Variants in AFG1L observed in about 807,000 individuals in gnomAD.
AFG1L encodes AFG1 like ATPase.
A neutral mutation model predicts 62.2 loss-of-function variants in AFG1L; 53 were observed. The observed-to-expected ratio is 0.85, with a 90% CI of 0.68 to 1.07. The LOEUF (loss-of-function observed/expected upper bound fraction) is 1.07. Among genes scored for constraint, AFG1L ranks in the 50% least tolerant of loss-of-function variants. The pLI, the probability that AFG1L is intolerant of heterozygous loss-of-function variation, is 0.00. For missense variants in AFG1L, 555 were observed against 590.5 expected (o/e 0.94, Z 0.62); for synonymous variants, 228 against 210.3 (o/e 1.08, Z -0.73).
chr6:108,328,660 C>T (rs1184970569), intron 2 of AFG1L, among the ~76,000 whole-genome samples: 1 of 151,984 alleles, frequency 6.6e-6, no homozygotes, highest in Non-Finnish European at 1.5e-5. Context: ...GCCCCAGCCT[C>T]CTGGAAATAT....
At chr6:108,405,142 C>T (rs532431234) in intron 7 of AFG1L, among the ~76,000 whole-genome samples, 8 of 152,152 alleles carry the variant, frequency 5.3e-5, no homozygotes, top group Non-Finnish European at 1.0e-4. Flanking sequence ...GTTATCATGA[C>T]TGCTTTAAAA....
chr6:108,499,982 C>T (rs1411406850), intron 10 of AFG1L, among the ~76,000 whole-genome samples: 6 of 151,880 alleles, frequency 4.0e-5, no homozygotes, highest in Non-Finnish European at 8.8e-5. Context: ...TCCCTAGTGT[C>T]TATTTTTTCA....
intron 6 of AFG1L, among the ~76,000 whole-genome samples, chr6:108,391,711 A>G (rs1221531951): frequency 6.6e-6 from 1 of 152,110 alleles, no homozygotes; most frequent in East Asian, 1.9e-4. Flanking sequence ...GTCTAAGCCA[A>G]TGTCTAGAAG....
At chr6:108,463,336 C>T (rs2114783867) in intron 8 of AFG1L, among the ~76,000 whole-genome samples, 1 of 148,914 alleles carries the variant, frequency 6.7e-6, no homozygotes, top group Middle Eastern at 3.5e-3. Flanking sequence ...GCCTCTCTTT[C>T]CCAAGTGGAT....
At chr6:108,386,575 G>A (rs1215677471) in intron 6 of AFG1L, among the ~76,000 whole-genome samples, 1 of 152,216 alleles carries the variant, frequency 6.6e-6, no homozygotes, top group African/African-American at 2.4e-5. Context: ...AAAATAATGG[G>A]TGGGTACTTC....
intron 7 of AFG1L, among the ~76,000 whole-genome samples, chr6:108,420,451 CAT>C (rs1770538446): frequency 6.8e-6 from 1 of 147,802 alleles, no homozygotes; most frequent in Non-Finnish European, 1.5e-5. Context: ...TATATTAAAA[CAT>C]ATATTCCATA....
At chr6:108,402,450 C>T (rs1219919216) in intron 7 of AFG1L, among the ~76,000 whole-genome samples, 4 of 124,176 alleles carry the variant, frequency 3.2e-5, no homozygotes, top group Admixed American at 1.0e-4. Flanking sequence ...GGTGACAGGG[C>T]GAGACGCCGT....
At chr6:108,370,744 T>TCC (rs1175129472) in intron 6 of AFG1L, among the ~76,000 whole-genome samples, 1 of 152,164 alleles carries the variant, frequency 6.6e-6, no homozygotes, top group East Asian at 1.9e-4. Context: ...GAATGGTGTG[T>TCC]CTGCCATTCA....
At chr6:108,362,756 C>T (rs147107610) in intron 5 of AFG1L, among the ~76,000 whole-genome samples, 39 of 152,260 alleles carry the variant, frequency 2.6e-4, no homozygotes, top group African/African-American at 7.7e-4. Flanking sequence ...AACAGCTATG[C>T]TATACATTTT....
intron 7 of AFG1L, among the ~76,000 whole-genome samples, chr6:108,432,062 AT>A (rs1771102354): frequency 6.6e-6 from 1 of 150,388 alleles, no homozygotes; most frequent in Non-Finnish European, 1.5e-5. Context: ...GGTTATTATT[AT>A]TTTTGGTTCT....
chr6:108,355,838 T>C, intron 4 of AFG1L, 83 bp downstream of exon 4: 4 of 926,234 alleles, frequency 4.3e-6, no homozygotes, highest in Non-Finnish European at 6.8e-6. Context: ...ACATATACTC[T>C]TTAAAAATTA....
chr6:108,348,138 G>T (rs188531313), intron 3 of AFG1L, among the ~76,000 whole-genome samples: 4 of 152,168 alleles, frequency 2.6e-5, no homozygotes, highest in African/African-American at 7.2e-5. Context: ...TGGTGCGGTG[G>T]CGCGATCTCG....
intron 10 of AFG1L, among the ~76,000 whole-genome samples, chr6:108,502,205 T>C (rs1774231618): frequency 6.6e-6 from 1 of 151,342 alleles, no homozygotes; most frequent in South Asian, 2.2e-4. Flanking sequence ...TTTTTGTTTG[T>C]TTGTTTGTTT....
chr6:108,428,293 T>C (rs1770913308), intron 7 of AFG1L, among the ~76,000 whole-genome samples: 1 of 152,244 alleles, frequency 6.6e-6, no homozygotes, highest in South Asian at 2.1e-4. Flanking sequence ...TTCTTTTTAA[T>C]GGCTGAGTAG....
intron 1 of AFG1L, among the ~76,000 whole-genome samples, chr6:108,303,608 C>G (rs533208980): frequency 5.3e-5 from 8 of 152,248 alleles, no homozygotes; most frequent in South Asian, 2.1e-4. Flanking sequence ...CTTCATTGCT[C>G]CCATCCCAGA....
chr6:108,321,412 C>T (rs1562473168), intron 1 of AFG1L, among the ~76,000 whole-genome samples: 1 of 152,174 alleles, frequency 6.6e-6, no homozygotes, highest in Non-Finnish European at 1.5e-5. Context: ...GTTTACAGAG[C>T]TCAATCTCTA....
intron 2 of AFG1L, among the ~76,000 whole-genome samples, chr6:108,341,458 G>T (rs1778680127): frequency 6.6e-6 from 1 of 152,128 alleles, no homozygotes; most frequent in South Asian, 2.1e-4. Flanking sequence ...CATTATGTTT[G>T]CAGTCTTTGG....
At chr6:108,356,638 T>C in intron 4 of AFG1L, 52 bp from the exon 5 acceptor site, 2 of 1,267,522 alleles carry the variant, frequency 1.6e-6, no homozygotes, top group Non-Finnish European at 2.1e-6. Flanking sequence ...ATGTTATAAT[T>C]GTCTAAAAAG....
chr6:108,301,564 T>C (rs1777001976), intron 1 of AFG1L, among the ~76,000 whole-genome samples: 1 of 152,244 alleles, frequency 6.6e-6, no homozygotes, highest in South Asian at 2.1e-4. Context: ...TTCATAACTC[T>C]TGAGTTCTGA....
Sources: allele counts gnomAD v4.1 joint callset (sites outside exome capture counted in the v4.1 genomes callset), GRCh38; gene constraint gnomAD v4.1.1; transcripts MANE v1.5; gene names NCBI Gene and HGNC (gene_info 2026-07-23, HGNC 2026-07-21).